The following LIPA variants were observed in gnomAD, a reference collection of about 807,000 sequenced individuals.
LIPA encodes the protein lipase A, lysosomal acid type, also known as lysosomal acid lipase/cholesteryl ester hydrolase.
Under a neutral mutation model 40.6 loss-of-function variants are expected in LIPA, and 26 were observed. The ratio of observed to expected loss-of-function variants is 0.64; its 90% CI spans 0.47 to 0.89. LIPA has a LOEUF of 0.89. Ranked by LOEUF, LIPA falls within the 40% of genes least tolerant of loss-of-function variation. The pLI, the probability that LIPA is intolerant of heterozygous loss-of-function variation, is 0.00. For synonymous variants in LIPA, 188 were observed against 168.4 expected (o/e 1.12, Z -0.90); for missense variants, 455 against 479.6 (o/e 0.95, Z 0.48).
chr10:89,362,205 T>C (rs1320394641), intron 2 of LIPA: 3 of 152,218 alleles, frequency 2.0e-5, no homozygotes, highest in African/African-American at 7.2e-5. Flanking sequence ...TGCCCAACTA[T>C]TTAACAATGT....
At chr10:89,235,662 C>T (rs534844420) in intron 3 of LIPA, among the ~76,000 whole-genome samples, 2 of 152,332 alleles carry the variant, frequency 1.3e-5, no homozygotes, top group South Asian at 4.1e-4. Context: ...GGACAGGACT[C>T]CGTCACACTC....
Position 89,384,540 on chromosome 10 carries a change from A to G in LIPA, c.61+28251T>C, listed in dbSNP as rs753843522. ...ATTATTTAAAAGGTTTGAAAATAGA[A>G]AAAATGTCCCATTCCAGGGAAAAAC... is the stretch of plus-strand genomic sequence containing the variant. On this transcript the variant is annotated intron_variant, in intron 2 of 8. Transcript: ENST00000371837. 16 of 1,614,012 alleles carry G rather than the reference A, an allele frequency of 9.9e-6. No homozygotes were observed. In the Admixed American group the frequency reaches 1.3e-4, roughly 13 times the overall value.
At chr10:89,414,091 G>T (rs1841504923) in intron 1 of LIPA, among the ~76,000 whole-genome samples, 1 of 152,166 alleles carries the variant, frequency 6.6e-6, no homozygotes, top group East Asian at 1.9e-4. Flanking sequence ...TACAATTGTG[G>T]GTAAGAGTGG....
At chr10:89,363,454 A>G (rs1844035413) in intron 2 of LIPA, 1 of 152,182 alleles carries the variant, frequency 6.6e-6, no homozygotes, top group Non-Finnish European at 1.5e-5. Context: ...ATGTCATGGG[A>G]AGTCTGAAGC....
rs72814755 is a variant in LIPA, at chr10:89,257,132, A to G, written c.-1-9483T>C. Reference sequence around the variant, plus strand: ...TAACAAGGGTGGCATTGGTCCAAGGACTGACAGTTGCTGAATAGACATCCT... The same window carrying G: ...TAACAAGGGTGGCATTGGTCCAAGGGCTGACAGTTGCTGAATAGACATCCT... On this transcript the variant is annotated intron_variant, in intron 1 of 5. Coordinates refer to the LIPA transcript ENST00000282673. Among the ~76,000 whole-genome samples, 1,307 of 152,274 alleles carry G rather than the reference A, an allele frequency of 8.6e-3. 11 individuals carry two copies. The highest frequency in any genetic ancestry group is 0.013 in the South Asian group (64 of 4,828).
intron 2 of LIPA, chr10:89,403,937 G>A (rs902483229): frequency 5.0e-6 from 2 of 397,680 alleles, no homozygotes; most frequent in South Asian, 1.6e-4. Context: ...ATGTAGTAGA[G>A]AAAAAATGTT....
At chr10:89,242,672 C>CA (rs1399096503) in intron 3 of LIPA, among the ~76,000 whole-genome samples, 2 of 151,976 alleles carry the variant, frequency 1.3e-5, no homozygotes, top group Admixed American at 1.3e-4. Flanking sequence ...AATGTGGTAC[C>CA]AAAAAATGAA....
chr10:89,394,872 G>A (rs1480319619), intron 2 of LIPA, among the ~76,000 whole-genome samples: 1 of 151,738 alleles, frequency 6.6e-6, no homozygotes, highest in East Asian at 1.9e-4. Flanking sequence ...CCCAGCAACT[G>A]TTAATCTGCT....
chr10:89,234,674 T>A (rs1427526173), intron 3 of LIPA, among the ~76,000 whole-genome samples: 3 of 152,180 alleles, frequency 2.0e-5, no homozygotes, highest in Non-Finnish European at 4.4e-5. Context: ...TTCTTTCCCA[T>A]CCCACCACCA....
At chr10:89,241,779 T>C (rs1842968047) in intron 3 of LIPA, among the ~76,000 whole-genome samples, 1 of 152,140 alleles carries the variant, frequency 6.6e-6, no homozygotes, top group Non-Finnish European at 1.5e-5. Flanking sequence ...AACTTTCAGA[T>C]ACAAATGTGC....
intron 1 of LIPA, among the ~76,000 whole-genome samples, chr10:89,301,295 T>C (rs1201497454): frequency 1.3e-5 from 2 of 152,252 alleles, no homozygotes. Context: ...CCATGCAATG[T>C]GCAGGTTGTT....
intron 2 of LIPA, chr10:89,392,679 A>G (rs746430610): frequency 6.2e-7 from 1 of 1,613,600 alleles, no homozygotes; most frequent in South Asian, 1.1e-5. Context: ...GCTAAGCAAA[A>G]CCCTGCAGAA....
intron 4 of LIPA, among the ~76,000 whole-genome samples, chr10:89,227,277 A>T (rs1187633238): frequency 6.6e-6 from 1 of 152,238 alleles, no homozygotes. Flanking sequence ...TACAATGTGT[A>T]TTCTCCTGTA....
intron 1 of LIPA, among the ~76,000 whole-genome samples, chr10:89,266,551 C>T (rs184191296): frequency 1.5e-4 from 23 of 152,238 alleles, no homozygotes; most frequent in Middle Eastern, 3.4e-3. Flanking sequence ...ACTTGGATCC[C>T]GTGCCTGAAA....
intron 1 of LIPA, chr10:89,278,039 C>T (rs1843297395): frequency 2.6e-5 from 4 of 152,026 alleles, no homozygotes; most frequent in Admixed American, 2.6e-4. Context: ...TGCCTTTTTT[C>T]TTTAGTTTCC....
intron 1 of LIPA, among the ~76,000 whole-genome samples, chr10:89,413,609 ATAAAT>A (rs1442372767): frequency 6.6e-6 from 1 of 152,084 alleles, no homozygotes; most frequent in African/African-American, 2.4e-5. Flanking sequence ...TCTACAAAAA[ATAAAT>A]TAATTAGCCC....
At position 89,224,436 on chromosome 10, in the gene LIPA, G is replaced by A. The variant is rs537152751; in HGVS notation, c.676-606C>T. Among the ~76,000 whole-genome samples the A allele has an allele frequency of 2.6e-5, 4 of 152,228 alleles. No homozygotes were observed. The East Asian group carries it at 5.8e-4, about 22-fold the overall frequency. On this transcript the variant is annotated intron_variant, in intron 6 of 9. Coordinates refer to ENST00000336233, the MANE Select transcript of LIPA (RefSeq NM_000235.4). ...GTCTTCTAAATGGCCCATGAGAGAC[G>A]TTATACCTCATTTCATGTATATATT...
At chr10:89,289,997 A>AAG (rs1491133753) in intron 1 of LIPA, among the ~76,000 whole-genome samples, 2 of 119,608 alleles carry the variant, frequency 1.7e-5, no homozygotes, top group East Asian at 4.3e-4. Context: ...CTAAAAAAAA[A>AAG]GGGTGGGGGG....
intron 2 of LIPA, among the ~76,000 whole-genome samples, chr10:89,366,938 A>G (rs1051455710): frequency 1.8e-4 from 27 of 152,226 alleles, no homozygotes; most frequent in Non-Finnish European, 3.2e-4. Context: ...ATGTCCATCA[A>G]TGATAGACTG....
Sources: gnomAD v4.1 joint callset for allele counts (sites outside exome capture counted in the v4.1 genomes callset) on GRCh38, gnomAD v4.1.1 for gene constraint, MANE v1.5 for transcripts, NCBI Gene and HGNC (gene_info 2026-07-23, HGNC 2026-07-21) for gene names.